The following PAX5 variants were observed in gnomAD, a reference collection of about 807,000 sequenced individuals.
The protein encoded by PAX5 is paired box 5, also known as paired box protein Pax-5.
PAX5 carries 9 observed loss-of-function variants against 43.7 expected under a neutral mutation model. That is an observed-to-expected ratio of 0.21 (90% confidence interval 0.12 to 0.36). The LOEUF (loss-of-function observed/expected upper bound fraction) is 0.36. PAX5 is among the 10% of genes least tolerant of loss of function. The probability of loss-of-function intolerance (pLI) is 1.00; values close to 1 mark genes in which losing one functional copy is unlikely to be tolerated. For synonymous variants in PAX5, 228 were observed against 214.3 expected, an observed-to-expected ratio of 1.06 and a Z score of -0.56; for missense variants, 383 against 532.7, an observed-to-expected ratio of 0.72 and a Z score of 2.77.
chr9:36,861,654 AG>A (rs1824225116), intron 8 of PAX5, among the ~76,000 whole-genome samples: 1 of 151,832 alleles, frequency 6.6e-6, no homozygotes, highest in Admixed American at 6.6e-5. Flanking sequence ...GCAAGTGCAA[AG>A]GCCCTGGGGC....
At chr9:36,848,484 G>C (rs1344890106) in intron 8 of PAX5, among the ~76,000 whole-genome samples, 1 of 152,098 alleles carries the variant, frequency 6.6e-6, no homozygotes, top group African/African-American at 2.4e-5. Flanking sequence ...AGGGTGTCAG[G>C]TTCTGGCATG....
At chr9:36,943,215 C>T (rs1411886728) in intron 6 of PAX5, among the ~76,000 whole-genome samples, 1 of 152,188 alleles carries the variant, frequency 6.6e-6, no homozygotes, top group Non-Finnish European at 1.5e-5. Flanking sequence ...CCTCCCCAGG[C>T]ACATTGCCTT....
chr9:36,987,890 T>C (rs1836576129), intron 5 of PAX5, among the ~76,000 whole-genome samples: 1 of 152,182 alleles, frequency 6.6e-6, no homozygotes, highest in Non-Finnish European at 1.5e-5. Flanking sequence ...ACTGATAAAA[T>C]GTGCCAGCAG....
rs1823508809 is a variant in PAX5, at chr9:36,854,866, C to A, written c.1013-7937G>T. Reference sequence around the variant, plus strand: ...GAGGGTGAGCATGAGGGGCAGAATGCACAATGTGTCTCACTTCTGTTTCTC... The same window carrying A: ...GAGGGTGAGCATGAGGGGCAGAATGAACAATGTGTCTCACTTCTGTTTCTC... On this transcript the variant is annotated intron_variant, in intron 8 of 9. Transcript: ENST00000358127. 4.7e-5 allele frequency among the ~76,000 whole-genome samples: 7 copies of A among 147,664 alleles called. No individual in the cohort carries two copies. In the South Asian group the frequency reaches 1.5e-3, roughly 31 times the overall value.
chr9:36,971,090 G>A (rs1229271920), intron 5 of PAX5, among the ~76,000 whole-genome samples: 2 of 152,218 alleles, frequency 1.3e-5, no homozygotes, highest in African/African-American at 4.8e-5. Flanking sequence ...CAAGCTTAGT[G>A]AGTGCTAATG....
intron 8 of PAX5, among the ~76,000 whole-genome samples, chr9:36,857,623 G>A (rs942547896): frequency 2.0e-5 from 3 of 152,226 alleles, no homozygotes; most frequent in African/African-American, 7.2e-5. Flanking sequence ...ACATTCAAAT[G>A]TTGTCATTTA....
rs1839656185 is a variant in PAX5 at position 37,019,246 on chromosome 9, T to C, written c.212+1390A>G. Among the ~76,000 whole-genome samples the C allele has an allele frequency of 2.0e-5, 3 of 152,212 alleles. No homozygotes were observed. The South Asian group carries it at 6.2e-4, about 32-fold the overall frequency. ...TCTTTTTCTTTTCTCTATCTCTCTG[T>C]CTTCGACTTTTCTTCTCTCGCTCCC... is the stretch of plus-strand genomic sequence containing the variant. On this transcript the variant is annotated intron_variant, in intron 2 of 9. Coordinates refer to ENST00000358127, the MANE Select transcript of PAX5 (RefSeq NM_016734.3).
chr9:36,935,934 A>G (rs2132034431), intron 6 of PAX5, among the ~76,000 whole-genome samples: 1 of 151,944 alleles, frequency 6.6e-6, no homozygotes, highest in Admixed American at 6.5e-5. Context: ...CAGGGCCTCC[A>G]CTCCTCCACC....
At chr9:36,883,545 C>T (rs531076861) in intron 7 of PAX5, among the ~76,000 whole-genome samples, 7 of 152,200 alleles carry the variant, frequency 4.6e-5, no homozygotes, top group East Asian at 1.9e-4. Context: ...GTGGCACATG[C>T]CTGTGATCCC....
chr9:36,866,756 TTCCTCA>T (rs1221622881), intron 8 of PAX5, among the ~76,000 whole-genome samples: 8 of 152,104 alleles, frequency 5.3e-5, no homozygotes, highest in African/African-American at 1.9e-4. Context: ...AACAAGTCCT[TTCCTCA>T]TCCTCATCTG....
intron 7 of PAX5, among the ~76,000 whole-genome samples, chr9:36,910,757 C>CCAGA (rs2131901070): frequency 6.6e-6 from 1 of 152,238 alleles, no homozygotes; most frequent in East Asian, 1.9e-4. Context: ...ATCCCCAATA[C>CCAGA]CAGAGGTGAC....
chr9:36,964,301 C>A (rs935642589), intron 6 of PAX5, among the ~76,000 whole-genome samples: 2 of 151,470 alleles, frequency 1.3e-5, no homozygotes, highest in African/African-American at 2.4e-5. Context: ...AAAAGATAAA[C>A]CTTCTGGCTG....
At chr9:36,974,976 T>C (rs1835298190) in intron 5 of PAX5, among the ~76,000 whole-genome samples, 1 of 152,206 alleles carries the variant, frequency 6.6e-6, no homozygotes, top group East Asian at 1.9e-4. Flanking sequence ...TCTGCTGGCA[T>C]GCCCTTCTCT....
At chr9:37,030,312 C>A (rs1272437643) in intron 1 of PAX5, among the ~76,000 whole-genome samples, 1 of 152,232 alleles carries the variant, frequency 6.6e-6, no homozygotes, top group Non-Finnish European at 1.5e-5. Context: ...GGACCTCATA[C>A]CGTGACCACC....
chr9:36,904,522 T>A (rs1016075353), intron 7 of PAX5, among the ~76,000 whole-genome samples: 5 of 151,020 alleles, frequency 3.3e-5, no homozygotes, highest in Admixed American at 2.0e-4. Context: ...AGGGTGGGAG[T>A]AGAAGTTCTA....
At chr9:36,903,152 A>G (rs1828544947) in intron 7 of PAX5, among the ~76,000 whole-genome samples, 2 of 152,202 alleles carry the variant, frequency 1.3e-5, no homozygotes, top group African/African-American at 2.4e-5. Flanking sequence ...TCCTGAAGAG[A>G]ACCAGACCTA....
rs544079663 is a variant in PAX5 at position 36,862,698 on chromosome 9, G to A, written c.1013-15769C>T. On this transcript the variant is annotated intron_variant, in intron 8 of 9. Transcript: ENST00000358127. ...TGGGTTCAGCCCTGCCCAGGTTTGCGTGCCTGTTTCCCGTCTTGGCCCACA... is the reference window on the plus strand; with the variant it reads ...TGGGTTCAGCCCTGCCCAGGTTTGCATGCCTGTTTCCCGTCTTGGCCCACA... 8.5e-5 allele frequency among the ~76,000 whole-genome samples: 13 copies of A among 152,266 alleles called. No individual in the cohort carries two copies. The East Asian group carries it at 1.7e-3, about 20-fold the overall frequency.
rs74996666 is a variant in PAX5, at chr9:36,992,021, C to T, written c.604+10627G>A. ...ATTCTAACACAGGGATAAAATGCCC[C>T]AAGGAAGGACTAACACAAATGTTAA... On this transcript the variant is annotated intron_variant, in intron 5 of 9. Coordinates refer to ENST00000358127, the MANE Select transcript of PAX5 (RefSeq NM_016734.3). Among the ~76,000 whole-genome samples the T allele has an allele frequency of 8.6e-3, 1,312 of 152,204 alleles. 19 individuals carry two copies. Among genetic ancestry groups the T allele is most frequent in the African/African-American group, 0.03 (1,237 of 41,516 alleles).
Position 36,991,479 on chromosome 9 carries a change from T to C in PAX5, c.604+11169A>G, listed in dbSNP as rs1157255307. On this transcript the variant is annotated intron_variant, in intron 5 of 9. Transcript: ENST00000358127. ...AAAGGCTTAGAGTAGAACCAAGGAC[T>C]CTACTCCCAGAAAGGTTTATATCAA... Among the ~76,000 whole-genome samples the C allele has an allele frequency of 2.6e-5, 4 of 152,092 alleles. No individual in the cohort carries two copies. The East Asian group carries it at 7.7e-4, about 29-fold the overall frequency.
Sources: allele counts gnomAD v4.1 joint callset (sites outside exome capture counted in the v4.1 genomes callset), GRCh38; gene constraint gnomAD v4.1.1; transcripts MANE v1.5; gene names NCBI Gene and HGNC (gene_info 2026-07-23, HGNC 2026-07-21).